The following ARHGEF40 variants were observed in gnomAD, a reference collection of about 807,000 sequenced individuals.
The protein encoded by ARHGEF40 is Rho guanine nucleotide exchange factor (GEF) 40.
Under a neutral mutation model 165.9 loss-of-function variants are expected in ARHGEF40, and 98 were observed. The ratio of observed to expected loss-of-function variants is 0.59; its 90% CI spans 0.50 to 0.70. The LOEUF (loss-of-function observed/expected upper bound fraction) is 0.70. ARHGEF40 is among the 30% of genes least tolerant of loss of function. The pLI is 0.00. For synonymous variants in ARHGEF40, 792 were observed against 814.3 expected (o/e 0.97, Z 0.47); for missense variants, 1,815 against 1,968.0 (o/e 0.92, Z 1.47).
At chr14:21,071,482 C>G (rs2139196574) in intron 1 of ARHGEF40, among the ~76,000 whole-genome samples, 1 of 152,222 alleles carries the variant, frequency 6.6e-6, no homozygotes, top group African/African-American at 2.4e-5. Flanking sequence ...GGCAGGGAGG[C>G]TGGAGGAAAA....
intron 11 of ARHGEF40, 127 bp from the exon 12 acceptor site, chr14:21,080,533 T>C (rs2139241735): frequency 9.5e-7 from 1 of 1,057,226 alleles, no homozygotes; most frequent in South Asian, 1.6e-5. Context: ...CATTCCCACA[T>C]TGCAGATGAG....
Position 21,082,007 on chromosome 14 carries a change from G to A in ARHGEF40, c.3139G>A (p.Val1047Met). 6.3e-7 allele frequency: 1 copy of A among 1,577,132 alleles called. No individual in the cohort carries two copies. The highest frequency in any genetic ancestry group is 8.6e-7 in the Non-Finnish European group (1 of 1,161,108). Reference protein sequence around the residue: ...IRGLEVTSTEVVDRTCSPREH... With the variant: ...IRGLEVTSTEMVDRTCSPREH... Reference sequence around the variant, plus strand: ...AGGCCTGGAGGTCACCAGCACTGAGGTGGTAGACAGGACGTGCTCACCACG... The same window carrying A: ...AGGCCTGGAGGTCACCAGCACTGAGATGGTAGACAGGACGTGCTCACCACG... Residue 1047 changes from valine to methionine, a missense_variant, in exon 14 of 24, where the codon GTG becomes ATG. By Grantham distance (21) the Val-to-Met change is conservative. Coordinates refer to ENST00000298694, the MANE Select transcript of ARHGEF40 (RefSeq NM_018071.5).
Position 21,087,094 on chromosome 14 carries a change from T to C in ARHGEF40, c.4232T>C (p.Leu1411Pro), listed in dbSNP as rs753221577. 2.5e-6 allele frequency: 4 copies of C among 1,608,200 alleles called. No individual in the cohort carries two copies. The African/African-American group carries it at 4.0e-5, about 16-fold the overall frequency. ...ALGERTLSAL[L>P]TGRAARTRAS... is the part of the protein sequence containing the mutation. ...GGGGAGCGGACGCTGAGTGCCCTGC[T>C]CACTGGAAGAGGTGAGGGCCAGGGT... is the stretch of plus-strand genomic sequence containing the variant. The change falls in exon 20 of 24, where the codon CTC becomes CCC. Residue 1411 changes from leucine (L) to proline (P), a missense_variant. Coordinates refer to ENST00000298694, the MANE Select transcript of ARHGEF40 (RefSeq NM_018071.5).
rs1399682678 is a variant in ARHGEF40, at chr14:21,090,237, T to C, written c.*1229T>C. 2 of 644,226 alleles carry C rather than the reference T, an allele frequency of 3.1e-6. No homozygotes were observed. Among genetic ancestry groups the C allele is most frequent in the Admixed American group, 4.2e-5 (2 of 48,084 alleles). The allele number at this position is 644,226 out of a possible 1,614,324, so 39.9% of individuals were successfully genotyped here. ...GTACAAAAATAAACTCTCACGCCTA[T>C]GGACCAGCAAAGACTGGCAGAGTGG... On this transcript the variant is annotated 3_prime_UTR_variant, in exon 24 of 24. Coordinates refer to ENST00000298694, the MANE Select transcript of ARHGEF40 (RefSeq NM_018071.5). The surrounding 1 kb of genome is among the most constrained non-coding windows in gnomAD (Gnocchi z 4.4).
Position 21,087,323 on chromosome 14 carries a change from C to CCCGCACCCGGGCCTCCGTGG in ARHGEF40, c.4251_4270dup (p.Val1424AlafsTer85). On this transcript the variant is annotated frameshift_variant, in exon 21 of 24. Transcript: ENST00000298694. LOFTEE classifies it high-confidence loss of function. ...CCCCACTCCCCACTCTCTGCAGCCG[C>CCCGCACCCGGGCCTCCGTGG]CCGCACCCGGGCCTCCGTGGCCGTG... 1 of 1,606,004 alleles carries CCCGCACCCGGGCCTCCGTGG rather than the reference C, an allele frequency of 6.2e-7. No individual in the cohort carries two copies. The highest frequency in any genetic ancestry group is 8.5e-7 in the Non-Finnish European group (1 of 1,179,056).
rs146901485 is a variant in ARHGEF40, at chr14:21,086,876, T to G, written c.4139-125T>G. ...GGAGTAAAAAGAGACATCAGAGGAA[T>G]GAAAGGGAGGAATGAGGATTGGGAA... On this transcript the variant is annotated intron_variant, in intron 19 of 23. Transcript: ENST00000298694. 291 of 702,850 alleles carry G rather than the reference T, an allele frequency of 4.1e-4. 1 individual carries two copies. In the African/African-American group the frequency reaches 5.8e-3, roughly 14 times the overall value. The allele number at this position is 702,850 out of a possible 1,614,324, so 43.5% of individuals were successfully genotyped here. A position where few individuals can be genotyped will look rare whatever the true frequency, so the allele number is the denominator to read the frequency against.
At chr14:21,087,260 A>C (rs1024322570) in intron 20 of ARHGEF40, 60 bp from the exon 21 acceptor site, 2 of 1,586,120 alleles carry the variant, frequency 1.3e-6, no homozygotes, top group Non-Finnish European at 1.7e-6. Flanking sequence ...GGGTCATTCC[A>C]GGGAGCCAAG....
upstream of ARHGEF40, among the ~76,000 whole-genome samples, chr14:21,069,195 C>A (rs1374277377): frequency 6.6e-6 from 1 of 152,262 alleles, no homozygotes; most frequent in Non-Finnish European, 1.5e-5. Flanking sequence ...TGCCTCCCCC[C>A]GGGCTCCTGG....
chr14:21,088,496 T>C (rs1226834154), intron 22 of ARHGEF40, among the ~76,000 whole-genome samples: 3 of 146,626 alleles, frequency 2.0e-5, no homozygotes, highest in Non-Finnish European at 4.5e-5. Context: ...CTGGGCAACA[T>C]AGTGAGACTC....
chr14:21,074,479 TGCCCGTGAGGGGGA>T lies in ARHGEF40; in HGVS notation c.754_767del (p.Val252AsnfsTer4). 7 of 1,568,946 alleles carry T rather than the reference TGCCCGTGAGGGGGA, an allele frequency of 4.5e-6. No individual in the cohort carries two copies. The highest frequency in any genetic ancestry group is 6.0e-6 in the Non-Finnish European group (7 of 1,157,074). On this transcript the variant is annotated frameshift_variant, in exon 3 of 24. Transcript: ENST00000298694. LOFTEE classifies it high-confidence loss of function. The surrounding 1 kb of genome is among the most constrained non-coding windows in gnomAD (Gnocchi z 4.8). ...TATGTGGAGCTGTTAGAGGTGACGC[TGCCCGTGAGGGGGA>T]GCCCAACAGATGCTGAAGGCTCCCC... is the stretch of plus-strand genomic sequence containing the variant.
the ARHGEF40 span, among the ~76,000 whole-genome samples, chr14:21,061,898 A>G: frequency 3.3e-5 from 5 of 152,244 alleles, no homozygotes; most frequent in African/African-American, 4.8e-5. Flanking sequence ...AAAGGTTTTT[A>G]AGTATTCAGG....
At chr14:21,069,098 C>T (rs966798808), upstream of ARHGEF40, among the ~76,000 whole-genome samples, 36 of 152,372 alleles carry the variant, frequency 2.4e-4, no homozygotes, top group East Asian at 5.8e-4. Flanking sequence ...CTCTCCCTTC[C>T]GTCCACCCTT....
Position 21,082,136 on chromosome 14 carries a change from A to C in ARHGEF40, c.3251+17A>C. The C allele has an allele frequency of 6.4e-7, 1 of 1,562,874 alleles. No individual in the cohort carries two copies. Among genetic ancestry groups the C allele is most frequent in the Non-Finnish European group, 8.7e-7 (1 of 1,152,882 alleles). ...AAGCATCAGGTGAGATCCCAGCCCA[A>C]CTGGTGCTAAGAGGCGGAGCCAACT... is the stretch of plus-strand genomic sequence containing the variant. On this transcript the variant is annotated intron_variant, in intron 14 of 23. Transcript: ENST00000298694.
the ARHGEF40 span, among the ~76,000 whole-genome samples, chr14:21,064,260 T>A: frequency 6.6e-6 from 1 of 152,092 alleles, no homozygotes; most frequent in Non-Finnish European, 1.5e-5. Context: ...TCCCTAAAAT[T>A]GAGAGTGACT....
chr14:21,081,393 G>A, intron 13 of ARHGEF40, 116 bp from the exon 14 acceptor site: 2 of 1,400,516 alleles, frequency 1.4e-6, no homozygotes, highest in Admixed American at 4.2e-5. Flanking sequence ...AAACAGGAGA[G>A]TGACGGGCAT....
rs1887329077 is a variant in ARHGEF40 at position 21,075,426 on chromosome 14, C to T, written c.1545C>T (p.Ala515=). ...EGKGDNIPEE[A]LAVSVSDHPD... ...AAGGGGACAACATTCCAGAAGAGGC[C>T]CTTGCAGTCTCCGTCTCTGATCACC... is the stretch of plus-strand genomic sequence containing the variant. The change falls in exon 4 of 24, where the codon GCC becomes GCT. Residue 515 remains alanine, a synonymous_variant. Transcript: ENST00000298694. This position sits in a 1 kb window ranked among gnomAD's most constrained non-coding sequence, Gnocchi z 4.5. 2 of 1,614,076 alleles carry T rather than the reference C, an allele frequency of 1.2e-6. No homozygotes were observed. Among genetic ancestry groups the T allele is most frequent in the African/African-American group, 2.7e-5 (2 of 74,918 alleles).
Position 21,074,148 on chromosome 14 carries a change from G to T in ARHGEF40, c.418G>T (p.Ala140Ser). The change falls in exon 3 of 24, where the codon GCT (alanine) becomes TCT (serine). Residue 140 changes from alanine (A) to serine (S), a missense_variant. Ala to Ser is a moderately conservative substitution (Grantham distance 99). Transcript: ENST00000298694. This position sits in a 1 kb window ranked among gnomAD's most constrained non-coding sequence, Gnocchi z 4.8. ...RVQEVPVPNE[A>S]CAYLFTPEWL... ...GCAGGAGGTTCCTGTGCCCAATGAG[G>T]CTTGTGCCTACCTATTCACACCTGA... is the stretch of plus-strand genomic sequence containing the variant. 1 of 1,614,132 alleles carries T rather than the reference G, an allele frequency of 6.2e-7. No individual in the cohort carries two copies. The highest frequency in any genetic ancestry group is 8.5e-7 in the Non-Finnish European group (1 of 1,180,024).
At chr14:21,068,331 G>T (rs889263517), upstream of ARHGEF40, among the ~76,000 whole-genome samples, 1 of 151,114 alleles carries the variant, frequency 6.6e-6, no homozygotes, top group Non-Finnish European at 1.5e-5. Context: ...AAAAAAAAAT[G>T]ATCCACTCCC....
At chr14:21,082,592 C>T in intron 15 of ARHGEF40, 114 bp downstream of exon 15, 1 of 1,268,910 alleles carries the variant, frequency 7.9e-7, no homozygotes, top group Non-Finnish European at 1.1e-6. Context: ...TGGTCCATGA[C>T]CTTGGGGCCC....
Sources: gnomAD v4.1 joint callset for allele counts (sites outside exome capture counted in the v4.1 genomes callset) on GRCh38, gnomAD v4.1.1 for gene constraint, Gnocchi (gnomAD v3.1) non-coding constraint, MANE v1.5 for transcripts, NCBI Gene and HGNC (gene_info 2026-07-23, HGNC 2026-07-21) for gene names.